Variants in LIFR observed in about 807,000 individuals in gnomAD.
LIFR encodes LIF receptor subunit alpha.
A neutral mutation model predicts 122.2 loss-of-function variants in LIFR; 84 were observed. The observed-to-expected ratio is 0.69, with a 90% CI of 0.58 to 0.82. The LOEUF is 0.82. Among genes scored for constraint, LIFR ranks in the 40% least tolerant of loss-of-function variants. The pLI is 0.00. For synonymous variants in LIFR, 422 were observed against 434.7 expected (o/e 0.97, Z 0.36); for missense variants, 1,294 against 1,311.6 (o/e 0.99, Z 0.21).
rs759692061 is a variant in LIFR at position 38,530,557 on chromosome 5, A to G, written c.91T>C (p.Ser31Pro). 5 of 1,613,110 alleles carry G rather than the reference A, an allele frequency of 3.1e-6. No individual in the cohort carries two copies. Among genetic ancestry groups the G allele is most frequent in the East Asian group, 4.5e-5 (2 of 44,876 alleles). ...RTASNFQWLL[S>P]TFILLYLMNQ... Reference sequence around the variant, plus strand: ...ATTAGATATAGAAGAATAAATGTTGATAACAGCCACTGGAAATTTGAAGCA... The same window carrying G: ...ATTAGATATAGAAGAATAAATGTTGGTAACAGCCACTGGAAATTTGAAGCA... Residue 31 changes from serine to proline, a missense_variant, in exon 2 of 20, where the codon TCA (serine) becomes CCA (proline). Coordinates refer to ENST00000453190, the MANE Select transcript of LIFR (RefSeq NM_001127671.2).
In LIFR at chr5:38,490,230, A is replaced by T. The variant is rs1744509786; in HGVS notation, c.2127T>A (p.Tyr709Ter). The T allele has an allele frequency of 6.3e-7, 1 of 1,584,144 alleles. No individual in the cohort carries two copies. The highest frequency in any genetic ancestry group is 1.3e-5 in the African/African-American group (1 of 74,286). ...ATCCAATCATGGAGCGTAATAATTGATATCCTTGATTTCTGCATCCATACA... is the reference window on the plus strand; with the variant it reads ...ATCCAATCATGGAGCGTAATAATTGTTATCCTTGATTTCTGCATCCATACA... Reference protein sequence around the residue: ...FFLYGCRNQGYQLLRSMIGYI... With the variant: ...FFLYGCRNQG Residue 709 changes from tyrosine (Y) to a stop codon, truncating the protein, a stop_gained, in exon 15 of 20, where the codon TAT (tyrosine) becomes TAA (stop). Coordinates refer to ENST00000453190, the MANE Select transcript of LIFR (RefSeq NM_001127671.2). LOFTEE classifies it high-confidence loss of function.
intron 4 of LIFR, among the ~76,000 whole-genome samples, chr5:38,525,122 A>C (rs536123344): frequency 1.3e-5 from 2 of 152,320 alleles, no homozygotes; most frequent in East Asian, 3.9e-4. Context: ...AGGAAGAGTA[A>C]TGTATCCTTG....
At chr5:38,592,443 AGG>A (rs1351574406) in intron 1 of LIFR, among the ~76,000 whole-genome samples, 1 of 151,964 alleles carries the variant, frequency 6.6e-6, no homozygotes, top group East Asian at 1.9e-4. Context: ...AGATCAGCTG[AGG>A]CCAGGAGTTT....
chr5:38,508,781 T>C (rs922310652), intron 7 of LIFR, among the ~76,000 whole-genome samples: 3 of 151,882 alleles, frequency 2.0e-5, no homozygotes, highest in Non-Finnish European at 4.4e-5. Context: ...AGACAGGGTT[T>C]CACCGTGTTA....
intron 1 of LIFR, among the ~76,000 whole-genome samples, chr5:38,564,423 G>GC (rs5867414): frequency 0.83 from 126,137 of 151,434 alleles, 52,733 homozygotes; most frequent in East Asian, 0.98. Flanking sequence ...TCATTATGTT[G>GC]CCAGGCTTGT....
At chr5:38,577,928 A>G (rs1261796301) in intron 1 of LIFR, among the ~76,000 whole-genome samples, 2 of 152,228 alleles carry the variant, frequency 1.3e-5, no homozygotes, top group Non-Finnish European at 2.9e-5. Flanking sequence ...CTGATTTCAT[A>G]CATGCTTCCA....
At chr5:38,517,798 A>G (rs1175746894) in intron 5 of LIFR, among the ~76,000 whole-genome samples, 7 of 136,710 alleles carry the variant, frequency 5.1e-5, no homozygotes, top group Non-Finnish European at 9.2e-5. Context: ...TGGAGGTTGC[A>G]GTGAGCCGAG....
rs759865082 is a variant in LIFR, at chr5:38,506,115, T to G, written c.1122-41A>C. Reference sequence around the variant, plus strand: ...AAAATAATTTCAAAATGGCAAGAGATAAATATTGCAGGAAAAAACGGGCAA... The same window carrying G: ...AAAATAATTTCAAAATGGCAAGAGAGAAATATTGCAGGAAAAAACGGGCAA... On this transcript the variant is annotated intron_variant, in intron 8 of 19. Coordinates refer to ENST00000453190, the MANE Select transcript of LIFR (RefSeq NM_001127671.2). The G allele has an allele frequency of 2.2e-6, 3 of 1,389,594 alleles. No homozygotes were observed. The South Asian group carries it at 3.7e-5, about 17-fold the overall frequency. 86.1% of individuals were successfully genotyped at this position (1,389,594 alleles called of 1,614,324 possible).
chr5:38,506,438 T>C (rs1745486734), intron 8 of LIFR, 65 bp downstream of exon 8: 4 of 1,560,616 alleles, frequency 2.6e-6, no homozygotes, highest in Non-Finnish European at 3.5e-6. Flanking sequence ...CAGTTCCCTA[T>C]GTCATTTAAC....
rs552986401 is a variant in LIFR, at chr5:38,513,398, T to G, written c.562-1434A>C. Among the ~76,000 whole-genome samples the G allele has an allele frequency of 8.5e-5, 13 of 152,354 alleles. 1 individual carries two copies. The South Asian group carries it at 2.7e-3, about 32-fold the overall frequency. The stretch of plus-strand genomic sequence containing the variant: ...AACAGCAGGACTGCTTGAAAGTTGT[T>G]TGAAGATATGTTGGCTACCCAGATC... On this transcript the variant is annotated intron_variant, in intron 5 of 19. Coordinates refer to ENST00000453190, the MANE Select transcript of LIFR (RefSeq NM_001127671.2).
At chr5:38,504,637 T>C (rs1409446986) in intron 9 of LIFR, among the ~76,000 whole-genome samples, 1 of 152,066 alleles carries the variant, frequency 6.6e-6, no homozygotes, top group Non-Finnish European at 1.5e-5. Flanking sequence ...ATGCCAATAA[T>C]GAAGGTACAG....
chr5:38,500,550 G>A (rs1357452148), intron 11 of LIFR, among the ~76,000 whole-genome samples: 1 of 152,140 alleles, frequency 6.6e-6, no homozygotes, highest in Non-Finnish European at 1.5e-5. Context: ...ACTTAAGTGT[G>A]GAATTTTCCA....
intron 14 of LIFR, 67 bp from the exon 15 acceptor site, chr5:38,490,358 C>G (rs1561137236): frequency 1.4e-6 from 1 of 719,502 alleles, no homozygotes; most frequent in African/African-American, 1.8e-5. Context: ...TTAGAAACAT[C>G]AAGTTCATAA....
At chr5:38,602,221 G>A (rs1204666620) in intron 2 of LIFR, among the ~76,000 whole-genome samples, 1 of 152,274 alleles carries the variant, frequency 6.6e-6, no homozygotes, top group Middle Eastern at 3.4e-3. Flanking sequence ...ATAGTTCAGT[G>A]ACTTCTCATT....
intron 1 of LIFR, among the ~76,000 whole-genome samples, chr5:38,553,477 A>G (rs1374250478): frequency 1.3e-5 from 2 of 151,478 alleles, no homozygotes; most frequent in Non-Finnish European, 2.9e-5. Context: ...TAGTCCCTAG[A>G]AAGTTGTCTG....
At chr5:38,500,194 T>A (rs368166963) in intron 11 of LIFR, among the ~76,000 whole-genome samples, 3 of 152,148 alleles carry the variant, frequency 2.0e-5, no homozygotes, top group Non-Finnish European at 2.9e-5. Flanking sequence ...TACATACATA[T>A]AGATGTGTAT....
chr5:38,564,902 T>G (rs958481902), intron 1 of LIFR, among the ~76,000 whole-genome samples: 10 of 151,640 alleles, frequency 6.6e-5, no homozygotes, highest in African/African-American at 2.4e-4. Context: ...GCCTGCCGAG[T>G]AGCTGGGATT....
At chr5:38,588,444 T>C (rs1749819799) in intron 1 of LIFR, among the ~76,000 whole-genome samples, 1 of 152,202 alleles carries the variant, frequency 6.6e-6, no homozygotes, top group Admixed American at 6.5e-5. Flanking sequence ...TAAATACTTT[T>C]ATTGACCTCA....
At chr5:38,559,443 C>T (rs1748749600), upstream of LIFR, among the ~76,000 whole-genome samples, 1 of 152,176 alleles carries the variant, frequency 6.6e-6, no homozygotes, top group Non-Finnish European at 1.5e-5. Flanking sequence ...ATATGGACTC[C>T]TGAAGGAATT....
Sources: allele counts gnomAD v4.1 joint callset (sites outside exome capture counted in the v4.1 genomes callset), GRCh38; gene constraint gnomAD v4.1.1; transcripts MANE v1.5; gene names NCBI Gene and HGNC (gene_info 2026-07-23, HGNC 2026-07-21).